Variants in ORMDL3 observed in about 807,000 individuals in gnomAD.
ORMDL3 encodes ORM1-like protein 3.
ORMDL3 carries 6 observed loss-of-function variants against 12.6 expected under a neutral mutation model. That is an observed-to-expected ratio of 0.48 (90% CI 0.26 to 0.94). The LOEUF is 0.94. Ranked by LOEUF, ORMDL3 falls within the 40% of genes least tolerant of loss-of-function variation. The pLI is 0.14. For synonymous variants in ORMDL3, 99 were observed against 87.2 expected, an observed-to-expected ratio of 1.14 and a Z score of -0.75; for missense variants, 159 against 205.5, an observed-to-expected ratio of 0.77 and a Z score of 1.38.
At chr17:39,923,874 T>A (rs1271552577) in intron 2 of ORMDL3, among the ~76,000 whole-genome samples, 156 bp downstream of exon 2, 1 of 151,298 alleles carries the variant, frequency 6.6e-6, no homozygotes, top group Non-Finnish European at 1.5e-5. Flanking sequence ...GGCAGAGAGG[T>A]AAGGGCTAGG....
intron 1 of ORMDL3, chr17:39,926,394 C>CT (rs2144751742): frequency 6.6e-6 from 1 of 152,386 alleles, no homozygotes; most frequent in Admixed American, 6.5e-5. Context: ...AGGAAACACT[C>CT]TTGAGACTTT....
rs1355867010 is a variant in ORMDL3, at chr17:39,921,373, T to C, written c.*1177A>G. On this transcript the variant is annotated 3_prime_UTR_variant, in exon 4 of 4. Transcript: ENST00000304046. ...GAGACAGTGCCTACAGGCCACGTCT[T>C]GCCCCTTCCTCTGTGCTGCTTGAGC... The C allele has an allele frequency of 6.6e-6, 1 of 152,430 alleles. No homozygotes were observed. Among genetic ancestry groups the C allele is most frequent in the African/African-American group, 2.4e-5 (1 of 41,452 alleles). 9.4% of individuals were successfully genotyped at this position (152,430 alleles called of 1,614,324 possible).
At chr17:39,926,386 G>A (rs1326608215) in intron 1 of ORMDL3, 6 of 152,210 alleles carry the variant, frequency 3.9e-5, no homozygotes, top group Admixed American at 3.3e-4. Flanking sequence ...TGGCAATGAG[G>A]AAACACTCTT....
In ORMDL3 at chr17:39,922,383, A is replaced by T; in HGVS notation, c.*167T>A. ...GCCTACCCCAACCCCACTACAAGCTACTCCAAGTTGGCTACTGGGGGAAGC... is the reference window on the plus strand; with the variant it reads ...GCCTACCCCAACCCCACTACAAGCTTCTCCAAGTTGGCTACTGGGGGAAGC... On this transcript the variant is annotated 3_prime_UTR_variant, in exon 4 of 4. Transcript: ENST00000304046. 1.2e-6 allele frequency: 1 copy of T among 817,818 alleles called. No individual in the cohort carries two copies. Among genetic ancestry groups the T allele is most frequent in the Non-Finnish European group, 1.9e-6 (1 of 523,762 alleles). The allele number at this position is 817,818 out of a possible 1,614,324, so 50.7% of individuals were successfully genotyped here.
intron 1 of ORMDL3, 70 bp downstream of exon 1, chr17:39,927,414 C>G: frequency 4.1e-6 from 4 of 985,136 alleles, no homozygotes; most frequent in Non-Finnish European, 4.8e-6. Context: ...GGGGCGCCTC[C>G]CCAGCAGCCC....
At chr17:39,922,821 C>A (rs1754655452) in intron 3 of ORMDL3, 136 bp from the exon 4 acceptor site, 2 of 1,210,522 alleles carry the variant, frequency 1.7e-6, no homozygotes, top group Admixed American at 5.4e-5. Context: ...GCGTAAGAAG[C>A]AAGAGCTCTC....
At chr17:39,925,014 T>C (rs1978340365) in intron 1 of ORMDL3, among the ~76,000 whole-genome samples, 1 of 152,106 alleles carries the variant, frequency 6.6e-6, no homozygotes, top group Admixed American at 6.5e-5. Flanking sequence ...CAGGGCCCTT[T>C]TCCCCACAAG....
intron 1 of ORMDL3, 156 bp downstream of exon 1, chr17:39,927,328 C>T: frequency 1.8e-5 from 8 of 452,424 alleles, no homozygotes; most frequent in Non-Finnish European, 2.3e-5. Flanking sequence ...CCTTGGCCAC[C>T]TCCCCAGCCG....
rs781667238 is a variant in ORMDL3, at chr17:39,921,434, T to C, written c.*1116A>G. On this transcript the variant is annotated 3_prime_UTR_variant, in exon 4 of 4. Transcript: ENST00000304046. Reference sequence around the variant, plus strand: ...CAGGACTCTCACCACAGACCCCACATGGGGTGGCCTCACAACGCCACATGT... The same window carrying C: ...CAGGACTCTCACCACAGACCCCACACGGGGTGGCCTCACAACGCCACATGT... The C allele has an allele frequency of 6.6e-6, 1 of 152,354 alleles. No individual in the cohort carries two copies. The highest frequency in any genetic ancestry group is 1.5e-5 in the Non-Finnish European group (1 of 68,076). 9.4% of individuals were successfully genotyped at this position (152,354 alleles called of 1,614,324 possible). A position where few individuals can be genotyped will look rare whatever the true frequency, so the allele number is the denominator to read the frequency against.
intron 1 of ORMDL3, chr17:39,926,999 G>T: frequency 1.0e-6 from 1 of 985,706 alleles, no homozygotes; most frequent in Non-Finnish European, 1.2e-6. Context: ...GGTAGGAGCG[G>T]AAAGCGAGTG....
chr17:39,922,526 TGG>T lies in ORMDL3; in HGVS notation c.*22_*23del. The T allele has an allele frequency of 6.2e-7, 1 of 1,605,620 alleles. No homozygotes were observed. Among genetic ancestry groups the T allele is most frequent in the Non-Finnish European group, 8.5e-7 (1 of 1,176,262 alleles). Reference sequence around the variant, plus strand: ...TTACCCTACCCCTCCCCTGCCACCCTGGGCAGGGGAAGGGGCTGCACTCTCAG... The same window carrying T: ...TTACCCTACCCCTCCCCTGCCACCCTGCAGGGGAAGGGGCTGCACTCTCAG... On this transcript the variant is annotated 3_prime_UTR_variant, in exon 4 of 4. Coordinates refer to ENST00000304046, the MANE Select transcript of ORMDL3 (RefSeq NM_139280.4).
At position 39,921,839 on chromosome 17, in the gene ORMDL3, G is replaced by A. The variant is rs536159923; in HGVS notation, c.*711C>T. On this transcript the variant is annotated 3_prime_UTR_variant, in exon 4 of 4. Transcript: ENST00000304046. ...ATGTGGCCCCATTCTTCTAAGTCTCGACTCACTAGCTCTCCTACAGCTCCC... is the reference window on the plus strand; with the variant it reads ...ATGTGGCCCCATTCTTCTAAGTCTCAACTCACTAGCTCTCCTACAGCTCCC... 8 of 152,166 alleles carry A rather than the reference G, an allele frequency of 5.3e-5. No homozygotes were observed. The highest frequency in any genetic ancestry group is 2.6e-4 in the Admixed American group (4 of 15,250). The allele number at this position is 152,166 out of a possible 1,614,324, so 9.4% of individuals were successfully genotyped here.
rs1978297725 is a variant in ORMDL3, at chr17:39,921,766, T to C, written c.*784A>G. ...CCCACATCCCAAAGGAGATTGGGTCTAGCTTCTGTCCCTACCCCTCCCTCC... is the reference window on the plus strand; with the variant it reads ...CCCACATCCCAAAGGAGATTGGGTCCAGCTTCTGTCCCTACCCCTCCCTCC... On this transcript the variant is annotated 3_prime_UTR_variant, in exon 4 of 4. Coordinates refer to ENST00000304046, the MANE Select transcript of ORMDL3 (RefSeq NM_139280.4). The C allele has an allele frequency of 1.3e-5, 2 of 152,452 alleles. No individual in the cohort carries two copies. The highest frequency in any genetic ancestry group is 6.5e-5 in the Admixed American group (1 of 15,284). 9.4% of individuals were successfully genotyped at this position (152,452 alleles called of 1,614,324 possible).
At position 39,927,563 on chromosome 17, in the gene ORMDL3, C is replaced by A. The variant is rs745523109; in HGVS notation, c.-102G>T. On this transcript the variant is annotated 5_prime_UTR_variant, in exon 1 of 4. Coordinates refer to ENST00000304046, the MANE Select transcript of ORMDL3 (RefSeq NM_139280.4). ...TGCTGCTCCAGCAGCTGTAACAACC[C>A]GCGGCTGCAGCCTCCCCGCTGGCAG... 3.0e-6 allele frequency: 3 copies of A among 985,472 alleles called. No homozygotes were observed. Among genetic ancestry groups the A allele is most frequent in the African/African-American group, 3.5e-5 (2 of 57,260 alleles). The allele number at this position is 985,472 out of a possible 1,614,324, so 61.0% of individuals were successfully genotyped here.
chr17:39,922,798 G>T (rs961500245), intron 3 of ORMDL3, 113 bp from the exon 4 acceptor site: 2 of 1,353,196 alleles, frequency 1.5e-6, no homozygotes, highest in Non-Finnish European at 2.0e-6. Flanking sequence ...TTACAGAAGA[G>T]GTTCCCAGAC....
Position 39,923,101 on chromosome 17 carries a change from C to T in ORMDL3, c.326+11G>A, listed in dbSNP as rs1978309617. The T allele has an allele frequency of 6.2e-7, 1 of 1,613,928 alleles. No individual in the cohort carries two copies. Among genetic ancestry groups the T allele is most frequent in the African/African-American group, 1.3e-5 (1 of 74,938 alleles). Reference sequence around the variant, plus strand: ...TGCCTGCTGGTGTCTTCCTGTAGCCCAGGCACTCACAGCACGATGGGTGTG... The same window carrying T: ...TGCCTGCTGGTGTCTTCCTGTAGCCTAGGCACTCACAGCACGATGGGTGTG... On this transcript the variant is annotated intron_variant, in intron 3 of 3. Coordinates refer to ENST00000304046, the MANE Select transcript of ORMDL3 (RefSeq NM_139280.4).
In ORMDL3 at chr17:39,922,495, T is replaced by G; in HGVS notation, c.*55A>C. The G allele has an allele frequency of 6.4e-7, 1 of 1,567,994 alleles. No homozygotes were observed. The highest frequency in any genetic ancestry group is 8.7e-7 in the Non-Finnish European group (1 of 1,155,722). On this transcript the variant is annotated 3_prime_UTR_variant, in exon 4 of 4. Transcript: ENST00000304046. The stretch of plus-strand genomic sequence containing the variant: ...TTTCTGTCTTCAGTGTTGCAGCACA[T>G]GCCTTTTACCCTACCCCTCCCCTGC...
At chr17:39,923,946 G>A in intron 2 of ORMDL3, 84 bp downstream of exon 2, 1 of 1,385,436 alleles carries the variant, frequency 7.2e-7, no homozygotes, top group Non-Finnish European at 9.6e-7. Flanking sequence ...AGGCCCGACA[G>A]GCTCCTCCTA....
At chr17:39,923,383 G>T (rs1461312877) in intron 2 of ORMDL3, 120 bp from the exon 3 acceptor site, 2 of 1,149,146 alleles carry the variant, frequency 1.7e-6, no homozygotes, top group African/African-American at 1.5e-5. Flanking sequence ...TGCTGGGCAG[G>T]GGGATATGGG....
Sources: gnomAD v4.1 joint callset for allele counts (sites outside exome capture counted in the v4.1 genomes callset) on GRCh38, gnomAD v4.1.1 for gene constraint, MANE v1.5 for transcripts, NCBI Gene and HGNC (gene_info 2026-07-23, HGNC 2026-07-21) for gene names.